KCNAB3: variants seen among roughly 807,000 people sequenced by gnomAD.
KCNAB3 encodes voltage-gated potassium channel subunit beta-3.
A neutral mutation model predicts 67.7 loss-of-function variants in KCNAB3; 62 were observed. The observed-to-expected ratio is 0.92, with a 90% confidence interval of 0.75 to 1.13. KCNAB3 has a LOEUF of 1.13. Ranked by LOEUF, KCNAB3 falls within the 50% of genes most tolerant of loss-of-function variation. KCNAB3 has a pLI of 0.00. For synonymous variants in KCNAB3, 212 were observed against 205.4 expected (o/e 1.03, Z -0.27); for missense variants, 514 against 522.9 (o/e 0.98, Z 0.17).
intron 7 of KCNAB3, 58 bp downstream of exon 7, chr17:7,925,625 C>T (rs377625558): frequency 1.9e-6 from 3 of 1,553,884 alleles, no homozygotes; most frequent in Non-Finnish European, 2.7e-6. Flanking sequence ...AGAGAATGTT[C>T]CCTACTCCTC....
At position 7,929,797 on chromosome 17, in the gene KCNAB3, C is replaced by T. The variant is rs1972365871; in HGVS notation, c.-362G>A. 10 of 1,074,592 alleles carry T rather than the reference C, an allele frequency of 9.3e-6. No individual in the cohort carries two copies. The highest frequency in any genetic ancestry group is 5.5e-5 in the South Asian group (2 of 36,364). 66.6% of individuals were successfully genotyped at this position (1,074,592 alleles called of 1,614,324 possible). On this transcript the variant is annotated 5_prime_UTR_variant, in exon 1 of 14. Coordinates refer to ENST00000303790, the MANE Select transcript of KCNAB3 (RefSeq NM_004732.4). This position sits in a 1 kb window ranked among gnomAD's most constrained non-coding sequence, Gnocchi z 5.7. ...GCGGGGCGGGAGAGAGATGCCACTT[C>T]AGCGCGAACCGCTGCGGGACCCGCT...
At chr17:7,927,132 G>C in intron 4 of KCNAB3, 1 of 595,376 alleles carries the variant, frequency 1.7e-6, no homozygotes, top group Admixed American at 2.8e-5. Flanking sequence ...TTTATTTAAT[G>C]TAGCTGCACA....
rs1166820756 is a variant in KCNAB3 at position 7,922,200 on chromosome 17, T to G, written c.*902A>C. The G allele has an allele frequency of 2.6e-5, 4 of 152,182 alleles. No homozygotes were observed. Among genetic ancestry groups the G allele is most frequent in the Non-Finnish European group, 5.9e-5 (4 of 68,052 alleles). The allele number at this position is 152,182 out of a possible 1,614,324, so 9.4% of individuals were successfully genotyped here. On this transcript the variant is annotated 3_prime_UTR_variant, in exon 14 of 14. Coordinates refer to ENST00000303790, the MANE Select transcript of KCNAB3 (RefSeq NM_004732.4). ...ACACTGTGAGGATCAAGCTGAGGTT[T>G]ATTTACAGTTACCTGGGAAGTCTTA...
chr17:7,924,539 C>T (rs781582229), intron 8 of KCNAB3, 39 bp from the exon 9 acceptor site: 5 of 1,573,862 alleles, frequency 3.2e-6, no homozygotes, highest in Non-Finnish European at 4.3e-6. Flanking sequence ...CTGTCAGAGC[C>T]CTGGAATCTA....
Position 7,929,779 on chromosome 17 carries a change from G to A in KCNAB3, c.-344C>T. 18 of 1,154,992 alleles carry A rather than the reference G, an allele frequency of 1.6e-5. No individual in the cohort carries two copies. Among genetic ancestry groups the A allele is most frequent in the South Asian group, 2.0e-5 (1 of 50,698 alleles). The allele number at this position is 1,154,992 out of a possible 1,614,324, so 71.5% of individuals were successfully genotyped here. On this transcript the variant is annotated 5_prime_UTR_variant, in exon 1 of 14. Coordinates refer to ENST00000303790, the MANE Select transcript of KCNAB3 (RefSeq NM_004732.4). This position sits in a 1 kb window ranked among gnomAD's most constrained non-coding sequence, Gnocchi z 5.7. ...ATAAGGACCCAGGGGGAAGCGGGGC[G>A]GGAGAGAGATGCCACTTCAGCGCGA...
intron 4 of KCNAB3, 87 bp downstream of exon 4, chr17:7,927,257 G>T: frequency 7.9e-7 from 1 of 1,267,234 alleles, no homozygotes; most frequent in Non-Finnish European, 1.1e-6. Context: ...GAAGTCCCAG[G>T]GTTCTTTAGA....
chr17:7,923,963 C>T lies in KCNAB3; in HGVS notation c.927+5G>A. The T allele has an allele frequency of 6.2e-7, 1 of 1,613,054 alleles. No individual in the cohort carries two copies. The highest frequency in any genetic ancestry group is 8.5e-7 in the Non-Finnish European group (1 of 1,179,644). On this transcript the variant is annotated splice_donor_5th_base_variant and intron_variant, in intron 11 of 13. Transcript: ENST00000303790. ...GTCCTGCCATCGAGAGCCCCCAGATCTCACCTTGATGGAGGCCCTGCAAGT... is the reference window on the plus strand; with the variant it reads ...GTCCTGCCATCGAGAGCCCCCAGATTTCACCTTGATGGAGGCCCTGCAAGT...
intron 12 of KCNAB3, 43 bp downstream of exon 12, chr17:7,923,668 A>G: frequency 6.4e-7 from 1 of 1,552,514 alleles, no homozygotes; most frequent in Non-Finnish European, 8.7e-7. Context: ...GCTTGGGAGC[A>G]TGTCAGGAGG....
Position 7,922,767 on chromosome 17 carries a change from TTTC to T in KCNAB3, c.*332_*334del, listed in dbSNP as rs1410826204. On this transcript the variant is annotated 3_prime_UTR_variant, in exon 14 of 14. Transcript: ENST00000303790. ...GTATGTGCTGGGTTTTTGTTTTTGT[TTTC>T]TTTTCTGGGCCTCGGGAATAAGGGG... The T allele has an allele frequency of 7.7e-6, 3 of 391,540 alleles. No homozygotes were observed. The Admixed American group carries it at 1.1e-4, about 15-fold the overall frequency. 24.3% of individuals were successfully genotyped at this position (391,540 alleles called of 1,614,324 possible).
intron 3 of KCNAB3, 64 bp from the exon 4 acceptor site, chr17:7,927,487 A>C: frequency 1.3e-6 from 2 of 1,546,364 alleles, no homozygotes; most frequent in Non-Finnish European, 1.8e-6. Context: ...ACTGTACTCT[A>C]ACCCATCACA....
intron 5 of KCNAB3, 34 bp downstream of exon 5, chr17:7,926,025 T>C (rs1972218350): frequency 6.2e-7 from 1 of 1,614,142 alleles, no homozygotes; most frequent in Admixed American, 1.7e-5. Flanking sequence ...TTTTGGGTGA[T>C]CACATCCCCA....
rs1202228633 is a variant in KCNAB3, at chr17:7,929,215, C to T, written c.221G>A (p.Arg74Gln). The change falls in exon 1 of 14, where the codon CGA becomes CAA. Residue 74 changes from arginine to glutamine, a missense_variant. By Grantham distance (43) the Arg-to-Gln change is conservative. Coordinates refer to ENST00000303790, the MANE Select transcript of KCNAB3 (RefSeq NM_004732.4). The surrounding 1 kb of genome is among the most constrained non-coding windows in gnomAD (Gnocchi z 5.7). ...PAGALRESTG[R>Q]GTGMKYRNLG... ...ATACCTGTATTTCATGCCAGTGCCT[C>T]GGCCGGTGCTCTCTCGGAGGGCCCC... 2 of 1,611,776 alleles carry T rather than the reference C, an allele frequency of 1.2e-6. No individual in the cohort carries two copies. The highest frequency in any genetic ancestry group is 8.5e-7 in the Non-Finnish European group (1 of 1,179,524).
chr17:7,922,961 G>A lies in KCNAB3; in HGVS notation c.*141C>T, dbSNP rs538928876. On this transcript the variant is annotated 3_prime_UTR_variant, in exon 14 of 14. Transcript: ENST00000303790. ...GCTTTGTTCATGCGTATCACTACTCGAAGCCGGGACTCGTTGGTGGGCGGG... is the reference window on the plus strand; with the variant it reads ...GCTTTGTTCATGCGTATCACTACTCAAAGCCGGGACTCGTTGGTGGGCGGG... 71 of 756,594 alleles carry A rather than the reference G, an allele frequency of 9.4e-5. No homozygotes were observed. Among genetic ancestry groups the A allele is most frequent in the South Asian group, 8.7e-4 (57 of 65,578 alleles). The allele number at this position is 756,594 out of a possible 1,614,324, so 46.9% of individuals were successfully genotyped here.
Position 7,925,958 on chromosome 17 carries a change from ATGACATAGCT to A in KCNAB3, c.457_466del (p.Tyr154LeufsTer16). On this transcript the variant is annotated frameshift_variant, in exon 6 of 14. Coordinates refer to ENST00000303790, the MANE Select transcript of KCNAB3 (RefSeq NM_004732.4). LOFTEE classifies it high-confidence loss of function. ...TCCTCCCCAAAAAATCTTGGTAGTG[ATGACATAGCT>A]TGATCTCCTGGAAGAATAGAAATGG... 6.2e-7 allele frequency: 1 copy of A among 1,612,340 alleles called. No individual in the cohort carries two copies. Among genetic ancestry groups the A allele is most frequent in the South Asian group, 1.1e-5 (1 of 91,056 alleles).
chr17:7,929,458 G>A lies in KCNAB3; in HGVS notation c.-23C>T, dbSNP rs545016464. On this transcript the variant is annotated 5_prime_UTR_variant, in exon 1 of 14. Coordinates refer to ENST00000303790, the MANE Select transcript of KCNAB3 (RefSeq NM_004732.4). The surrounding 1 kb of genome is among the most constrained non-coding windows in gnomAD (Gnocchi z 5.7). The stretch of plus-strand genomic sequence containing the variant: ...CATGCTGGCTGGCCGAGGCGGGGGA[G>A]GGGGCTCCGAGGGGACGGGAGGGGG... 92 of 1,529,130 alleles carry A rather than the reference G, an allele frequency of 6.0e-5. 1 individual carries two copies. The South Asian group carries it at 1.1e-3, about 18-fold the overall frequency. The allele number at this position is 1,529,130 out of a possible 1,614,324, so 94.7% of individuals were successfully genotyped here.
At chr17:7,923,571 G>A in intron 12 of KCNAB3, 27 bp from the exon 13 acceptor site, 1 of 1,577,456 alleles carries the variant, frequency 6.3e-7, no homozygotes, top group Non-Finnish European at 8.6e-7. Flanking sequence ...AAAAAAAGAG[G>A]ACTGATGGGG....
intron 3 of KCNAB3, 112 bp downstream of exon 3, chr17:7,927,545 C>T: frequency 5.9e-6 from 9 of 1,522,068 alleles, no homozygotes; most frequent in Non-Finnish European, 6.4e-6. Flanking sequence ...ATCCTCCAGC[C>T]TCAGATCCCT....
At chr17:7,924,737 C>A (rs1021542786) in intron 8 of KCNAB3, 2 of 1,308,484 alleles carry the variant, frequency 1.5e-6, no homozygotes, top group Non-Finnish European at 2.0e-6. Context: ...AGGAAGTGCT[C>A]AATTTTTGTA....
intron 4 of KCNAB3, 98 bp downstream of exon 4, chr17:7,927,246 A>G (rs1389219694): frequency 2.6e-6 from 3 of 1,159,734 alleles, no homozygotes; most frequent in Admixed American, 3.4e-5. Flanking sequence ...TCACGTTCTC[A>G]GAAGTCCCAG....
Sources: allele counts gnomAD v4.1 joint callset, GRCh38; gene constraint gnomAD v4.1.1; non-coding constraint Gnocchi (gnomAD v3.1); transcripts MANE v1.5; gene names NCBI Gene and HGNC (gene_info 2026-07-23, HGNC 2026-07-21).